The following IMPA1 variants were observed in gnomAD, a reference collection of about 807,000 sequenced individuals.
IMPA1 encodes the protein inositol monophosphatase 1, also known as D-galactose 1-phosphate phosphatase.
Under a neutral mutation model 34.9 loss-of-function variants are expected in IMPA1, and 21 were observed. The observed-to-expected ratio is 0.60, with a 90% CI of 0.43 to 0.87. The LOEUF is 0.87. Among genes scored for constraint, IMPA1 ranks in the 40% least tolerant of loss-of-function variants. The probability of loss-of-function intolerance (pLI) is 0.00; values close to 1 mark genes in which losing one functional copy is unlikely to be tolerated. For missense variants in IMPA1, 299 were observed against 336.4 expected (o/e 0.89, Z 0.87); for synonymous variants, 95 against 104.4 (o/e 0.91, Z 0.55).
intron 7 of IMPA1, among the ~76,000 whole-genome samples, chr8:81,662,730 A>C (rs565268924): frequency 1.3e-5 from 2 of 152,210 alleles, no homozygotes; most frequent in Non-Finnish European, 2.9e-5. Flanking sequence ...ATATTTGTAA[A>C]GCACCTAGCA....
At chr8:81,666,650 G>A (rs188834460) in intron 7 of IMPA1, among the ~76,000 whole-genome samples, 2 of 152,062 alleles carry the variant, frequency 1.3e-5, no homozygotes, top group Non-Finnish European at 2.9e-5. Context: ...GAGGTGGGTG[G>A]ATCACTTGAG....
chr8:81,656,931 ATATTT>A lies in IMPA1; in HGVS notation c.*2415_*2419del, dbSNP rs1297965881. Among the ~76,000 whole-genome samples the A allele has an allele frequency of 4.6e-5, 7 of 152,194 alleles. No individual in the cohort carries two copies. The highest frequency in any genetic ancestry group is 1.7e-4 in the African/African-American group (7 of 41,448). On this transcript the variant is annotated 3_prime_UTR_variant, in exon 9 of 9. Coordinates refer to ENST00000256108, the MANE Select transcript of IMPA1 (RefSeq NM_005536.4). The stretch of plus-strand genomic sequence containing the variant: ...CAATTTCGTTAAAAGGCAAGTACAT[ATATTT>A]TATGTGTTCAAGTACATATATTTAT...
chr8:81,686,173 G>C (rs1807520327), intron 1 of IMPA1, 79 bp downstream of exon 1: 2 of 945,908 alleles, frequency 2.1e-6, no homozygotes, highest in Non-Finnish European at 2.7e-6. Context: ...GCCCGCTCCT[G>C]AGGAGGGAAG....
chr8:81,678,621 G>A, intron 4 of IMPA1: 2 of 186,812 alleles, frequency 1.1e-5, no homozygotes, highest in Non-Finnish European at 2.3e-5. Flanking sequence ...GAACCCGGGA[G>A]GTGGGGGTTG....
At chr8:81,672,650 T>C (rs1174620567) in intron 6 of IMPA1, among the ~76,000 whole-genome samples, 2 of 152,216 alleles carry the variant, frequency 1.3e-5, no homozygotes, top group African/African-American at 4.8e-5. Flanking sequence ...TCTAGAAGTG[T>C]GTCCTGGGCT....
intron 2 of IMPA1, 76 bp downstream of exon 2, chr8:81,681,422 C>G (rs1230794681): frequency 2.4e-6 from 2 of 845,950 alleles, no homozygotes; most frequent in Non-Finnish European, 3.9e-6. Context: ...TCGAAACAAA[C>G]AAAACAAGGC....
At chr8:81,668,150 A>G (rs1458479995) in intron 7 of IMPA1, among the ~76,000 whole-genome samples, 2 of 152,220 alleles carry the variant, frequency 1.3e-5, no homozygotes, top group African/African-American at 4.8e-5. Context: ...TGAAAGCCTA[A>G]ACTTGAGAGT....
chr8:81,678,032 C>T (rs1807178564), intron 4 of IMPA1, among the ~76,000 whole-genome samples: 1 of 152,146 alleles, frequency 6.6e-6, no homozygotes, highest in Admixed American at 6.5e-5. Context: ...TACAATTCTA[C>T]GAGGCAAGTG....
chr8:81,679,059 T>TA (rs1807215151), intron 4 of IMPA1, 67 bp downstream of exon 4: 1 of 966,568 alleles, frequency 1.0e-6, no homozygotes, highest in African/African-American at 1.6e-5. Flanking sequence ...TGTTCCTAAA[T>TA]AGAGTATCTA....
chr8:81,674,758 G>GT (rs1182980185), intron 5 of IMPA1: 1 of 453,370 alleles, frequency 2.2e-6, no homozygotes, highest in Non-Finnish European at 4.4e-6. Context: ...ACACAGGTTG[G>GT]TTTTTTACAG....
At chr8:81,676,858 C>T (rs1221362930) in intron 4 of IMPA1, among the ~76,000 whole-genome samples, 1 of 151,878 alleles carries the variant, frequency 6.6e-6, no homozygotes, top group African/African-American at 2.4e-5. Context: ...CTGAGTGTGG[C>T]GGTGCACGCC....
Position 81,679,213 on chromosome 8 carries a change from G to A in IMPA1, c.215C>T (p.Ser72Phe). ...GATACTTTTTTCCCCAGCTGCCACA[G>A]ATTCTTCACCAATGAAACTAAAAGC... The part of the protein sequence containing the change: ...YPSHSFIGEE[S>F]VAAGEKSILT... Residue 72 changes from serine to phenylalanine, a missense_variant, in exon 4 of 9, where the codon TCT becomes TTT. Ser to Phe is a radical substitution (Grantham distance 155, BLOSUM62 -2). Coordinates refer to ENST00000256108, the MANE Select transcript of IMPA1 (RefSeq NM_005536.4). The A allele has an allele frequency of 6.2e-7, 1 of 1,613,358 alleles. No homozygotes were observed. The highest frequency in any genetic ancestry group is 8.5e-7 in the Non-Finnish European group (1 of 1,179,344).
Position 81,679,106 on chromosome 8 carries a change from T to C in IMPA1, c.302+20A>G, listed in dbSNP as rs747410022. ...AGTTAATATGCAAAGAGTAATTATATTAGACATTTTAAAACATACCTATGT... is the reference window on the plus strand; with the variant it reads ...AGTTAATATGCAAAGAGTAATTATACTAGACATTTTAAAACATACCTATGT... On this transcript the variant is annotated intron_variant, in intron 4 of 8. Transcript: ENST00000256108. 2 of 1,444,202 alleles carry C rather than the reference T, an allele frequency of 1.4e-6. No homozygotes were observed. Among genetic ancestry groups the C allele is most frequent in the Admixed American group, 3.3e-5 (2 of 59,790 alleles). 89.5% of individuals were successfully genotyped at this position (1,444,202 alleles called of 1,614,324 possible).
At chr8:81,664,330 G>A (rs934098294) in intron 7 of IMPA1, among the ~76,000 whole-genome samples, 1 of 151,994 alleles carries the variant, frequency 6.6e-6, no homozygotes, top group Non-Finnish European at 1.5e-5. Context: ...ATAGAAATCA[G>A]GAAATGCAAA....
rs182365302 is a variant in IMPA1 at position 81,665,209 on chromosome 8, G to A, written c.567-4542C>T. Reference sequence around the variant, plus strand: ...AAGGGGAATAAAATGAATATCAATCGAATCCGAATTAAATATTTTCAAACA... The same window carrying A: ...AAGGGGAATAAAATGAATATCAATCAAATCCGAATTAAATATTTTCAAACA... On this transcript the variant is annotated intron_variant, in intron 7 of 8. Coordinates refer to ENST00000256108, the MANE Select transcript of IMPA1 (RefSeq NM_005536.4). Among the ~76,000 whole-genome samples, 3 of 152,078 alleles carry A rather than the reference G, an allele frequency of 2.0e-5. No homozygotes were observed. In the East Asian group the frequency reaches 5.8e-4, roughly 29 times the overall value.
intron 1 of IMPA1, among the ~76,000 whole-genome samples, chr8:81,684,181 C>T (rs2955010): frequency 0.46 from 64,708 of 140,154 alleles, 15,776 homozygotes; most frequent in East Asian, 0.86. Flanking sequence ...ATATATAATA[C>T]AGTAAATATA....
At chr8:81,666,589 A>G (rs1194870697) in intron 7 of IMPA1, among the ~76,000 whole-genome samples, 1 of 152,166 alleles carries the variant, frequency 6.6e-6, no homozygotes, top group Non-Finnish European at 1.5e-5. Flanking sequence ...ATAAGAAAGC[A>G]GGGGCCAGGC....
rs192507613 is a variant in IMPA1, at chr8:81,660,856, A to C, written c.567-189T>G. On this transcript the variant is annotated intron_variant, in intron 7 of 8. Transcript: ENST00000256108. ...TCTAATTATCATCGTATATTATATA[A>C]ATCACAAAACCCTCACAAAGCAATA... is the stretch of plus-strand genomic sequence containing the variant. Among the ~76,000 whole-genome samples, 25 of 152,322 alleles carry C rather than the reference A, an allele frequency of 1.6e-4. No individual in the cohort carries two copies. The East Asian group carries it at 4.8e-3, about 29-fold the overall frequency.
chr8:81,675,771 A>G (rs560436628), intron 5 of IMPA1, among the ~76,000 whole-genome samples: 1 of 152,344 alleles, frequency 6.6e-6, no homozygotes, highest in Non-Finnish European at 1.5e-5. Flanking sequence ...GTATTTACAC[A>G]TAAGACAACC....
Sources: allele counts gnomAD v4.1 joint callset (sites outside exome capture counted in the v4.1 genomes callset), GRCh38; gene constraint gnomAD v4.1.1; transcripts MANE v1.5; gene names NCBI Gene and HGNC (gene_info 2026-07-23, HGNC 2026-07-21).